The following GRM7 variants were observed in gnomAD, a reference collection of about 807,000 sequenced individuals.
GRM7 encodes the protein glutamate metabotropic receptor 7.
Under a neutral mutation model 84.5 loss-of-function variants are expected in GRM7, and 35 were observed. That is an observed-to-expected ratio of 0.41 (90% CI 0.32 to 0.55). GRM7 has a LOEUF of 0.55. Ranked by LOEUF, GRM7 falls within the 20% of genes least tolerant of loss-of-function variation. The pLI is 0.19. For synonymous variants in GRM7, 487 were observed against 455.1 expected, an observed-to-expected ratio of 1.07 and a Z score of -0.89; for missense variants, 1,003 against 1,194.6, an observed-to-expected ratio of 0.84 and a Z score of 2.36.
chr3:7,272,456 A>T (rs1415121267), intron 2 of GRM7, among the ~76,000 whole-genome samples: 1 of 152,194 alleles, frequency 6.6e-6, no homozygotes, highest in East Asian at 1.9e-4. Context: ...AGAAAATTAC[A>T]CATCATTGGT....
At chr3:6,982,153 G>A (rs1269083049) in intron 1 of GRM7, among the ~76,000 whole-genome samples, 2 of 152,148 alleles carry the variant, frequency 1.3e-5, no homozygotes, top group Admixed American at 1.3e-4. Context: ...TGGCAACATA[G>A]CTTCAGCTGG....
chr3:7,515,332 C>T lies in GRM7; in HGVS notation c.1515+53610C>T, dbSNP rs1008777541. On this transcript the variant is annotated intron_variant, in intron 7 of 9. Coordinates refer to ENST00000357716, the MANE Select transcript of GRM7 (RefSeq NM_000844.4). Reference sequence around the variant, plus strand: ...GAGGGAGGAAGGGAGACAGGTGCCCCGTGCATTGTAGCAGGTTTAGCTTTG... The same window carrying T: ...GAGGGAGGAAGGGAGACAGGTGCCCTGTGCATTGTAGCAGGTTTAGCTTTG... Among the ~76,000 whole-genome samples, 8 of 152,192 alleles carry T rather than the reference C, an allele frequency of 5.3e-5. No individual in the cohort carries two copies. In the South Asian group the frequency reaches 8.3e-4, roughly 16 times the overall value.
chr3:7,137,251 G>A (rs1179889068), intron 1 of GRM7, among the ~76,000 whole-genome samples: 1 of 151,866 alleles, frequency 6.6e-6, no homozygotes, highest in African/African-American at 2.4e-5. Flanking sequence ...AGAGTTACAG[G>A]AATTCTTAGA....
At chr3:7,698,601 G>A (rs1701110306) in intron 9 of GRM7, among the ~76,000 whole-genome samples, 1 of 152,154 alleles carries the variant, frequency 6.6e-6, no homozygotes, top group Non-Finnish European at 1.5e-5. Flanking sequence ...CTGTTTTCCA[G>A]TACAGCTAAA....
chr3:7,151,254 A>G lies in GRM7; in HGVS notation c.736+4586A>G, dbSNP rs1000504451. 3.9e-5 allele frequency among the ~76,000 whole-genome samples: 6 copies of G among 152,284 alleles called. No individual in the cohort carries two copies. The highest frequency in any genetic ancestry group is 1.4e-4 in the African/African-American group (6 of 41,562). On this transcript the variant is annotated intron_variant, in intron 2 of 9. Transcript: ENST00000357716. The surrounding 1 kb of genome is among the most constrained non-coding windows in gnomAD (Gnocchi z 4.5). ...GACCTCAAGCTCTACTAAAAATACA[A>G]AAATTAACCTGGCATGGTGGCATGC...
intron 1 of GRM7, among the ~76,000 whole-genome samples, chr3:6,926,695 C>A (rs76058453): frequency 6.6e-6 from 1 of 152,180 alleles, no homozygotes; most frequent in African/African-American, 2.4e-5. Flanking sequence ...TGCAAAAAGC[C>A]GATGCAACCA....
intron 1 of GRM7, among the ~76,000 whole-genome samples, chr3:6,922,449 T>C (rs1004651379): frequency 6.6e-6 from 1 of 152,236 alleles, no homozygotes; most frequent in African/African-American, 2.4e-5. Flanking sequence ...TTGGCTGTTA[T>C]ATTTCCCTAA....
chr3:6,944,262 G>C (rs1386478183), intron 1 of GRM7, among the ~76,000 whole-genome samples: 1 of 152,076 alleles, frequency 6.6e-6, no homozygotes, highest in East Asian at 1.9e-4. Flanking sequence ...CCTCATCTTA[G>C]AGAAAAGACT....
At chr3:7,574,314 C>T (rs989689875) in intron 7 of GRM7, among the ~76,000 whole-genome samples, 1 of 152,050 alleles carries the variant, frequency 6.6e-6, no homozygotes, top group Non-Finnish European at 1.5e-5. Flanking sequence ...TGCCCACCCC[C>T]ATGCCTGGCT....
chr3:7,165,461 T>C (rs1694771115), intron 2 of GRM7, among the ~76,000 whole-genome samples: 2 of 152,240 alleles, frequency 1.3e-5, no homozygotes, highest in Admixed American at 1.3e-4. Context: ...TTATGTGTAT[T>C]TTTAGTTGGG....
At position 7,352,044 on chromosome 3, in the gene GRM7, ACACACACACACAC is replaced by A. The variant is rs1693172975; in HGVS notation, c.1033+45406_1033+45418del. On this transcript the variant is annotated intron_variant, in intron 4 of 9. Coordinates refer to ENST00000357716, the MANE Select transcript of GRM7 (RefSeq NM_000844.4). ...TTCGTTCATTCTCTCTCTCTCTCACACACACACACACACCACACACACACACACACACACACAC... is the reference window on the plus strand; with the variant it reads ...TTCGTTCATTCTCTCTCTCTCTCACACACACACACACACACACACACACAC... Among the ~76,000 whole-genome samples the A allele has an allele frequency of 4.0e-5, 5 of 124,082 alleles. No homozygotes were observed. In the South Asian group the frequency reaches 1.4e-3, roughly 35 times the overall value. The allele number at this position is 124,082 out of a possible 152,430, so 81.4% of individuals were successfully genotyped here.
intron 1 of GRM7, among the ~76,000 whole-genome samples, chr3:6,879,358 G>C (rs1433193798): frequency 1.3e-5 from 2 of 152,192 alleles, no homozygotes; most frequent in African/African-American, 2.4e-5. Flanking sequence ...ATAGTGGAGT[G>C]ATTAGATCAA....
At chr3:7,218,213 T>C (rs1383680892) in intron 2 of GRM7, among the ~76,000 whole-genome samples, 1 of 152,146 alleles carries the variant, frequency 6.6e-6, no homozygotes, top group African/African-American at 2.4e-5. Context: ...CGTACATATT[T>C]GAAAGTTACT....
chr3:7,412,402 T>C (rs1695978909), intron 4 of GRM7, among the ~76,000 whole-genome samples: 1 of 152,148 alleles, frequency 6.6e-6, no homozygotes, highest in Non-Finnish European at 1.5e-5. Context: ...GACCCCCTCT[T>C]GACATTCTGA....
intron 1 of GRM7, among the ~76,000 whole-genome samples, chr3:7,094,981 C>CTTT (rs543764636): frequency 0.026 from 3,678 of 143,964 alleles, 149 homozygotes; most frequent in African/African-American, 0.09. Context: ...GGCTGATAGA[C>CTTT]TTTTTTTTTT....
chr3:7,148,424 T>C (rs550279574), intron 2 of GRM7, among the ~76,000 whole-genome samples: 1 of 152,270 alleles, frequency 6.6e-6, no homozygotes, highest in South Asian at 2.1e-4. Context: ...ACACTGAACT[T>C]TAAACTGGAT....
At chr3:7,041,463 A>G (rs1171081791) in intron 1 of GRM7, among the ~76,000 whole-genome samples, 1 of 152,184 alleles carries the variant, frequency 6.6e-6, no homozygotes, top group Non-Finnish European at 1.5e-5. Context: ...TTAATAGTTA[A>G]TTTCTTTTTA....
intron 1 of GRM7, among the ~76,000 whole-genome samples, chr3:7,091,021 A>T (rs1698645337): frequency 6.6e-6 from 1 of 152,178 alleles, no homozygotes; most frequent in Non-Finnish European, 1.5e-5. Context: ...TAACATATTA[A>T]ATGTATCTGT....
chr3:7,657,928 A>T (rs1470337221), intron 8 of GRM7, among the ~76,000 whole-genome samples: 2 of 152,204 alleles, frequency 1.3e-5, no homozygotes, highest in African/African-American at 2.4e-5. Flanking sequence ...AATCTCTCTA[A>T]GCAATTAAGT....
Sources: gnomAD v4.1 joint callset for allele counts (sites outside exome capture counted in the v4.1 genomes callset) on GRCh38, gnomAD v4.1.1 for gene constraint, Gnocchi (gnomAD v3.1) non-coding constraint, MANE v1.5 for transcripts, NCBI Gene and HGNC (gene_info 2026-07-23, HGNC 2026-07-21) for gene names.